Variants in CDK10 observed in about 807,000 individuals in gnomAD.
The protein encoded by CDK10 is cyclin-dependent kinase 10.
In CDK10, 55 loss-of-function variants were observed where a neutral mutation model predicts 51.0. The ratio of observed to expected loss-of-function variants is 1.08; its 90% CI spans 0.87 to 1.35. CDK10 has a LOEUF of 1.35. Ranked by LOEUF, CDK10 falls within the 40% of genes most tolerant of loss-of-function variation. The pLI is 0.00. For missense variants in CDK10, 589 were observed against 485.1 expected, an observed-to-expected ratio of 1.21 and a Z score of -2.01; for synonymous variants, 255 against 199.1, an observed-to-expected ratio of 1.28 and a Z score of -2.36.
chr16:89,695,098 A>T, intron 11 of CDK10, 28 bp downstream of exon 11: 2 of 1,600,526 alleles, frequency 1.2e-6, no homozygotes, highest in Non-Finnish European at 1.7e-6. Context: ...GGGGGCAGGG[A>T]CCCTCACCAC....
chr16:89,692,250 C>T, intron 5 of CDK10, 199 bp from the exon 6 acceptor site: 1 of 535,690 alleles, frequency 1.9e-6, no homozygotes. Flanking sequence ...GAGTGCAGCC[C>T]CGGGGCCAAG....
At position 89,695,516 on chromosome 16, in the gene CDK10, C is replaced by T. The variant is rs963117922; in HGVS notation, c.986-79C>T. 7 of 1,517,308 alleles carry T rather than the reference C, an allele frequency of 4.6e-6. No individual in the cohort carries two copies. In the Admixed American group the frequency reaches 5.7e-5, roughly 12 times the overall value. 94.0% of individuals were successfully genotyped at this position (1,517,308 alleles called of 1,614,324 possible). On this transcript the variant is annotated intron_variant, in intron 12 of 12. Transcript: ENST00000353379. ...GACAGCCCAGGGCCAGGTCCAGAGG[C>T]AGAGCTGGACTCAGACCTGGGCCTG...
intron 1 of CDK10, chr16:89,687,019 G>C (rs2060221762): frequency 4.3e-6 from 2 of 465,838 alleles, no homozygotes; most frequent in African/African-American, 4.1e-5. Flanking sequence ...CGGGCTCAGG[G>C]ATGCCTCGCG....
In CDK10 at chr16:89,694,173, G is replaced by A; in HGVS notation, c.609G>A (p.Trp203Ter). 6.2e-7 allele frequency: 1 copy of A among 1,614,008 alleles called. No individual in the cohort carries two copies. The highest frequency in any genetic ancestry group is 1.3e-5 in the African/African-American group (1 of 75,002). The change falls in exon 9 of 13, where the codon TGG becomes TGA. Residue 203 changes from tryptophan (W) to a stop codon, truncating the protein, a stop_gained and splice_region_variant. Transcript: ENST00000353379. LOFTEE classifies it high-confidence loss of function. Reference sequence around the variant, plus strand: ...TTGAGGTGGGTGCTTCTGTGTGTAGGTACCGAGCCCCTGAACTGCTGTTGG... The same window carrying A: ...TTGAGGTGGGTGCTTCTGTGTGTAGATACCGAGCCCCTGAACTGCTGTTGG... Reference protein sequence around the residue: ...KPMTPKVVTLWYRAPELLLGT... With the variant: ...KPMTPKVVTL
At chr16:89,692,227 T>C in intron 5 of CDK10, 1 of 537,930 alleles carries the variant, frequency 1.9e-6, no homozygotes, top group Non-Finnish European at 3.3e-6. Context: ...ACTGGTTTTC[T>C]GGGCTGCTGG....
Position 89,693,298 on chromosome 16 carries a change from C to A in CDK10, c.510C>A (p.Leu170=). ...IHRDLKVSNL[L]MTDKGCVKTA... ...GGGACCTGAAGGTTTCCAACTTGCT[C>A]ATGACCGACAAGGGTTGTGTGAAGA... is the stretch of plus-strand genomic sequence containing the variant. The change falls in exon 7 of 13, where the codon CTC becomes CTA. Residue 170 remains leucine, a synonymous_variant. Coordinates refer to ENST00000353379, the MANE Select transcript of CDK10 (RefSeq NM_052988.5). 1 of 1,614,162 alleles carries A rather than the reference C, an allele frequency of 6.2e-7. No homozygotes were observed. The highest frequency in any genetic ancestry group is 1.1e-5 in the South Asian group (1 of 91,068).
intron 2 of CDK10, chr16:89,689,809 G>T: frequency 6.4e-6 from 1 of 155,504 alleles, no homozygotes; most frequent in Non-Finnish European, 1.4e-5. Context: ...TCAGCCTCCT[G>T]AGTATCTGGG....
intron 3 of CDK10, among the ~76,000 whole-genome samples, 155 bp downstream of exon 3, chr16:89,690,779 C>T (rs2060410503): frequency 6.6e-6 from 1 of 152,114 alleles, no homozygotes; most frequent in African/African-American, 2.4e-5. Context: ...CCCCCAGGTC[C>T]ACACGCAGCC....
intron 6 of CDK10, 109 bp downstream of exon 6, chr16:89,692,625 C>A: frequency 4.4e-6 from 3 of 681,032 alleles, no homozygotes; most frequent in Non-Finnish European, 7.2e-6. Flanking sequence ...AGCAGCCTGC[C>A]CGCTGCTCGC....
intron 1 of CDK10, 190 bp downstream of exon 1, chr16:89,686,987 C>A (rs997314305): frequency 2.7e-5 from 14 of 524,828 alleles, no homozygotes; most frequent in Middle Eastern, 5.1e-4. Context: ...CAGCCGGTCC[C>A]TGGAGATCTG....
rs1193672535 is a variant in CDK10 at position 89,693,186 on chromosome 16, C to T, written c.486-88C>T. On this transcript the variant is annotated intron_variant, in intron 6 of 12. Transcript: ENST00000353379. ...AAAAGCCCAAAGCTGAGGAAACGTG[C>T]AGGAAGTCTACGGGCATTGGTGCCG... 3.5e-6 allele frequency: 4 copies of T among 1,141,236 alleles called. No homozygotes were observed. The Admixed American group carries it at 5.3e-5, about 15-fold the overall frequency. The allele number at this position is 1,141,236 out of a possible 1,614,324, so 70.7% of individuals were successfully genotyped here.
In CDK10 at chr16:89,691,459, C is replaced by T. The variant is rs756442193; in HGVS notation, c.249C>T (p.Ser83=). 9.3e-6 allele frequency: 15 copies of T among 1,612,050 alleles called. No individual in the cohort carries two copies. The highest frequency in any genetic ancestry group is 1.3e-5 in the Non-Finnish European group (15 of 1,179,100). ...CCTCCCCAGGCATCCCCATCAGCAGCTTGCGGGAGATCACGCTGCTGCTCC... is the reference window on the plus strand; with the variant it reads ...CCTCCCCAGGCATCCCCATCAGCAGTTTGCGGGAGATCACGCTGCTGCTCC... ...DKEKDGIPIS[S]LREITLLLRL... Residue 83 remains serine, a synonymous_variant, in exon 4 of 13, where the codon AGC becomes AGT. Coordinates refer to ENST00000353379, the MANE Select transcript of CDK10 (RefSeq NM_052988.5).
In CDK10 at chr16:89,694,805, G is replaced by A. The variant is rs2060625306; in HGVS notation, c.792+17G>A. ...ATCTGGCCGGTGGGCGTCCTGGGCA[G>A]ACCCGCAGCCCCCGCCCGTGCCCAC... On this transcript the variant is annotated intron_variant, in intron 10 of 12. Coordinates refer to ENST00000353379, the MANE Select transcript of CDK10 (RefSeq NM_052988.5). The A allele has an allele frequency of 6.4e-7, 1 of 1,554,198 alleles. No individual in the cohort carries two copies. Among genetic ancestry groups the A allele is most frequent in the Non-Finnish European group, 8.7e-7 (1 of 1,151,792 alleles).
chr16:89,694,090 G>C, intron 8 of CDK10, 83 bp from the exon 9 acceptor site: 1 of 1,403,002 alleles, frequency 7.1e-7, no homozygotes, highest in South Asian at 1.2e-5. Context: ...GCCACCACAG[G>C]CTCTCGGGGA....
At chr16:89,690,244 C>T (rs2060381802) in intron 2 of CDK10, 1 of 416,570 alleles carries the variant, frequency 2.4e-6, no homozygotes, top group South Asian at 3.4e-5. Flanking sequence ...CAAGAGAGCA[C>T]AAAGCAGTGA....
intron 3 of CDK10, 111 bp downstream of exon 3, chr16:89,690,735 CTCT>C: frequency 1.1e-6 from 1 of 939,262 alleles, no homozygotes; most frequent in African/African-American, 1.6e-5. Flanking sequence ...GGGGGCCGGC[CTCT>C]GGGAGGGTTC....
At chr16:89,692,626 C>G (rs545408999) in intron 6 of CDK10, 110 bp downstream of exon 6, 5 of 676,088 alleles carry the variant, frequency 7.4e-6, no homozygotes, top group Admixed American at 3.2e-5. Context: ...GCAGCCTGCC[C>G]GCTGCTCGCA....
chr16:89,694,120 C>G (rs566566912), intron 8 of CDK10, 53 bp from the exon 9 acceptor site: 21 of 1,583,438 alleles, frequency 1.3e-5, no homozygotes, highest in African/African-American at 1.2e-4. Flanking sequence ...CTGTGGAGGC[C>G]TGGGCTGGGG....
intron 1 of CDK10, among the ~76,000 whole-genome samples, chr16:89,688,167 C>T (rs1157017137): frequency 2.7e-5 from 4 of 149,884 alleles, no homozygotes; most frequent in African/African-American, 9.9e-5. Context: ...CTGCAAGCTC[C>T]ACCTCCTGGG....
Sources: allele counts gnomAD v4.1 joint callset (sites outside exome capture counted in the v4.1 genomes callset), GRCh38; gene constraint gnomAD v4.1.1; transcripts MANE v1.5; gene names NCBI Gene and HGNC (gene_info 2026-07-23, HGNC 2026-07-21).